The following CACNA2D1 variants were observed in gnomAD, a reference collection of about 807,000 sequenced individuals.
CACNA2D1 encodes voltage-dependent calcium channel subunit alpha-2/delta-1.
Under a neutral mutation model 171.5 loss-of-function variants are expected in CACNA2D1, and 53 were observed. The observed-to-expected ratio is 0.31, with a 90% CI of 0.25 to 0.39. The LOEUF (loss-of-function observed/expected upper bound fraction) is 0.39, where lower values mean the gene tolerates loss of function less well. Ranked by LOEUF, CACNA2D1 falls within the 10% of genes least tolerant of loss-of-function variation. CACNA2D1 has a pLI of 1.00. For synonymous variants in CACNA2D1, 442 were observed against 443.1 expected, an observed-to-expected ratio of 1.00 and a Z score of 0.03; for missense variants, 903 against 1,299.8, an observed-to-expected ratio of 0.69 and a Z score of 4.69.
At chr7:82,309,677 G>A (rs1052298883) in intron 3 of CACNA2D1, among the ~76,000 whole-genome samples, 2 of 152,178 alleles carry the variant, frequency 1.3e-5, no homozygotes, top group Non-Finnish European at 2.9e-5. Context: ...GCCTCTGGAT[G>A]CTGGAGTCTG....
chr7:82,281,202 C>A (rs906535844), intron 3 of CACNA2D1, among the ~76,000 whole-genome samples: 1 of 152,136 alleles, frequency 6.6e-6, no homozygotes, highest in Admixed American at 6.6e-5. Flanking sequence ...TTCCTCACAC[C>A]ACTACTGAAG....
At chr7:81,951,973 T>TTTTTTTTTTTGTTTG (rs1792609158) in intron 38 of CACNA2D1, among the ~76,000 whole-genome samples, 6 of 147,648 alleles carry the variant, frequency 4.1e-5, no homozygotes, top group African/African-American at 1.5e-4. Flanking sequence ...CAAAGTGTTT[T>TTTTTTTTTTTGTTTG]TTTTTTTTTT....
Position 82,042,319 on chromosome 7 carries a change from TG to T in CACNA2D1, c.880-4085del, listed in dbSNP as rs370424876. Among the ~76,000 whole-genome samples the T allele has an allele frequency of 1.1e-3, 162 of 152,322 alleles. 1 individual carries two copies. The highest frequency in any genetic ancestry group is 3.6e-3 in the African/African-American group (150 of 41,584). ...TGAAGTGGCAGTCTTTGATAACACGTGCCTACATACTAATTTAAAACCACAT... is the reference window on the plus strand; with the variant it reads ...TGAAGTGGCAGTCTTTGATAACACGTCCTACATACTAATTTAAAACCACAT... On this transcript the variant is annotated intron_variant, in intron 10 of 38. Coordinates refer to ENST00000356860, the MANE Select transcript of CACNA2D1 (RefSeq NM_000722.4).
chr7:82,150,017 A>G (rs895371362), intron 4 of CACNA2D1, among the ~76,000 whole-genome samples: 4 of 151,704 alleles, frequency 2.6e-5, no homozygotes, highest in African/African-American at 9.7e-5. Context: ...TGCACTGAGG[A>G]GATGTGGGCA....
At chr7:82,427,322 G>C (rs778047234) in intron 1 of CACNA2D1, among the ~76,000 whole-genome samples, 11 of 152,234 alleles carry the variant, frequency 7.2e-5, no homozygotes, top group Non-Finnish European at 1.6e-4. Flanking sequence ...AAGCATGGGA[G>C]TGCTCAAGTA....
At chr7:82,242,042 A>G (rs1055871430) in intron 3 of CACNA2D1, among the ~76,000 whole-genome samples, 25 of 152,124 alleles carry the variant, frequency 1.6e-4, no homozygotes, top group African/African-American at 5.8e-4. Context: ...TTTCACTCGC[A>G]TAAGAAGGAT....
At chr7:82,293,027 A>T (rs117837640) in intron 3 of CACNA2D1, among the ~76,000 whole-genome samples, 153 of 151,908 alleles carry the variant, frequency 1.0e-3, no homozygotes, top group Non-Finnish European at 1.7e-3. Flanking sequence ...TCATAGACTG[A>T]TCTAATTTCC....
At chr7:81,965,487 G>C (rs1794623469) in intron 32 of CACNA2D1, 107 bp downstream of exon 32, 2 of 756,748 alleles carry the variant, frequency 2.6e-6, no homozygotes. Context: ...TTGTATGACA[G>C]AAATAAAACA....
At position 82,091,244 on chromosome 7, in the gene CACNA2D1, A is replaced by C. The variant is rs189729272; in HGVS notation, c.527-6344T>G. 1.5e-3 allele frequency among the ~76,000 whole-genome samples: 225 copies of C among 152,302 alleles called. 2 individuals are homozygous for C. Among genetic ancestry groups the C allele is most frequent in the East Asian group, 0.015 (75 of 5,170 alleles). On this transcript the variant is annotated intron_variant, in intron 6 of 38. Transcript: ENST00000356860. Reference sequence around the variant, plus strand: ...AAGACCAAATCTAATCTCTCTAATCATGTCTCGGGCACCAGAATCCACCTC... The same window carrying C: ...AAGACCAAATCTAATCTCTCTAATCCTGTCTCGGGCACCAGAATCCACCTC...
At chr7:82,239,592 A>G (rs929794004) in intron 3 of CACNA2D1, among the ~76,000 whole-genome samples, 7 of 152,190 alleles carry the variant, frequency 4.6e-5, no homozygotes, top group Non-Finnish European at 8.8e-5. Flanking sequence ...TTCACTAGAA[A>G]GAGACAAGGA....
chr7:82,130,019 A>G (rs1274698209), intron 5 of CACNA2D1, among the ~76,000 whole-genome samples: 2 of 152,200 alleles, frequency 1.3e-5, no homozygotes, highest in Non-Finnish European at 2.9e-5. Context: ...GGATCTCTCT[A>G]AAAATTAAAG....
intron 12 of CACNA2D1, chr7:82,029,471 C>A (rs892937358): frequency 1.3e-5 from 2 of 151,774 alleles, no homozygotes; most frequent in South Asian, 4.2e-4. Flanking sequence ...TGTGTGTGTG[C>A]GCACAACTTG....
intron 4 of CACNA2D1, among the ~76,000 whole-genome samples, chr7:82,149,903 G>C (rs138697166): frequency 0.013 from 1,901 of 152,078 alleles, 31 homozygotes; most frequent in African/African-American, 0.042. Flanking sequence ...CTTGCAGTCA[G>C]CCGAGATCGC....
chr7:82,362,947 G>T (rs1821236391), intron 1 of CACNA2D1, among the ~76,000 whole-genome samples: 1 of 151,950 alleles, frequency 6.6e-6, no homozygotes, highest in African/African-American at 2.4e-5. Context: ...TTTTATTTAG[G>T]CACAAACTGT....
intron 3 of CACNA2D1, among the ~76,000 whole-genome samples, chr7:82,298,317 T>C (rs1416282501): frequency 6.6e-6 from 1 of 152,172 alleles, no homozygotes; most frequent in Non-Finnish European, 1.5e-5. Context: ...CACTAAAAGA[T>C]AACATTACAG....
chr7:81,970,005 C>A, intron 27 of CACNA2D1, 21 bp from the exon 28 acceptor site: 1 of 1,366,118 alleles, frequency 7.3e-7, no homozygotes. Flanking sequence ...AATGGCTCAT[C>A]ATTTGTATTC....
chr7:82,240,941 T>A (rs1804192053), intron 3 of CACNA2D1, among the ~76,000 whole-genome samples: 1 of 151,218 alleles, frequency 6.6e-6, no homozygotes, highest in Admixed American at 6.6e-5. Flanking sequence ...CACTCCAGCC[T>A]GGGCGACAGA....
chr7:82,007,687 T>C lies in CACNA2D1; in HGVS notation c.1432A>G (p.Asn478Asp), dbSNP rs1472447743. ...NITGQFENKT[N>D]LKNQLILGVM... ...ATCAATTAACTTTTAACCTTTAAGTTTGTCTTATTTTCAAATTGGCCGGTT... is the reference window on the plus strand; with the variant it reads ...ATCAATTAACTTTTAACCTTTAAGTCTGTCTTATTTTCAAATTGGCCGGTT... The change falls in exon 16 of 39, where the codon AAC becomes GAC. Residue 478 changes from asparagine (N) to aspartate (D), a missense_variant. Physicochemically the swap from Asn to Asp is conservative, Grantham distance 23. Coordinates refer to ENST00000356860, the MANE Select transcript of CACNA2D1 (RefSeq NM_000722.4). 3.9e-6 allele frequency: 6 copies of C among 1,543,246 alleles called. No individual in the cohort carries two copies. The highest frequency in any genetic ancestry group is 5.4e-6 in the Non-Finnish European group (6 of 1,116,390).
chr7:82,125,014 A>G (rs1294617315), intron 5 of CACNA2D1, among the ~76,000 whole-genome samples: 2 of 152,200 alleles, frequency 1.3e-5, no homozygotes, highest in Non-Finnish European at 1.5e-5. Context: ...TTATTGCTAT[A>G]AAGTAAAATA....
Sources: gnomAD v4.1 joint callset for allele counts (sites outside exome capture counted in the v4.1 genomes callset) on GRCh38, gnomAD v4.1.1 for gene constraint, MANE v1.5 for transcripts, NCBI Gene and HGNC (gene_info 2026-07-23, HGNC 2026-07-21) for gene names.